The following NR3C2 variants were observed in gnomAD, a reference collection of about 807,000 sequenced individuals.
The protein encoded by NR3C2 is mineralocorticoid receptor.
A neutral mutation model predicts 86.4 loss-of-function variants in NR3C2; 15 were observed. The ratio of observed to expected loss-of-function variants is 0.17; its 90% CI spans 0.12 to 0.27. NR3C2 has a LOEUF of 0.27. NR3C2 is among the 10% of genes least tolerant of loss of function. NR3C2 has a pLI of 1.00. For missense variants in NR3C2, 960 were observed against 1,195.6 expected, an observed-to-expected ratio of 0.80 and a Z score of 2.91; for synonymous variants, 458 against 450.5, an observed-to-expected ratio of 1.02 and a Z score of -0.21.
At chr4:148,349,967 C>A (rs1032740452) in intron 2 of NR3C2, among the ~76,000 whole-genome samples, 1 of 152,064 alleles carries the variant, frequency 6.6e-6, no homozygotes, top group African/African-American at 2.4e-5. Flanking sequence ...AAACAAGTGT[C>A]CTGTTATGCA....
intron 2 of NR3C2, among the ~76,000 whole-genome samples, chr4:148,321,987 AT>A (rs1021009731): frequency 6.6e-6 from 1 of 152,074 alleles, no homozygotes; most frequent in African/African-American, 2.4e-5. Flanking sequence ...TGGTCTTTAC[AT>A]TTTGGCATGA....
intron 2 of NR3C2, among the ~76,000 whole-genome samples, chr4:148,347,683 C>T (rs1037139971): frequency 2.0e-5 from 3 of 152,120 alleles, no homozygotes; most frequent in African/African-American, 7.2e-5. Context: ...TACTGAGTAC[C>T]TACGCATGCC....
intron 2 of NR3C2, among the ~76,000 whole-genome samples, chr4:148,262,625 T>C (rs939050001): frequency 2.6e-5 from 4 of 152,180 alleles, no homozygotes; most frequent in Non-Finnish European, 4.4e-5. Context: ...TACCTTGTAA[T>C]GTGACATTAT....
intron 3 of NR3C2, among the ~76,000 whole-genome samples, chr4:148,237,505 TA>T (rs911102810): frequency 1.3e-5 from 2 of 152,166 alleles, no homozygotes; most frequent in Non-Finnish European, 2.9e-5. Context: ...ACTAAAAACT[TA>T]AAAACCACTG....
At chr4:148,356,315 T>A (rs976501898) in intron 2 of NR3C2, among the ~76,000 whole-genome samples, 3 of 152,222 alleles carry the variant, frequency 2.0e-5, no homozygotes, top group African/African-American at 7.2e-5. Flanking sequence ...ACAAATGATG[T>A]TGCTAGTTCC....
intron 8 of NR3C2, among the ~76,000 whole-genome samples, chr4:148,099,655 G>A (rs774967723): frequency 2.0e-5 from 3 of 152,188 alleles, no homozygotes; most frequent in Non-Finnish European, 4.4e-5. Flanking sequence ...TAGAAAGAAA[G>A]ACACTATGTA....
intron 2 of NR3C2, among the ~76,000 whole-genome samples, chr4:148,298,438 A>G (rs989286653): frequency 3.3e-5 from 5 of 152,198 alleles, no homozygotes; most frequent in Admixed American, 2.6e-4. Flanking sequence ...CTTGATCACT[A>G]TTTTTAGAAT....
At chr4:148,282,494 G>T (rs1741299220) in intron 2 of NR3C2, among the ~76,000 whole-genome samples, 1 of 152,196 alleles carries the variant, frequency 6.6e-6, no homozygotes, top group Non-Finnish European at 1.5e-5. Context: ...AAGAGTATGT[G>T]CATAAAAGTA....
intron 2 of NR3C2, among the ~76,000 whole-genome samples, chr4:148,430,925 C>A (rs944734543): frequency 6.6e-6 from 1 of 152,118 alleles, no homozygotes; most frequent in Non-Finnish European, 1.5e-5. Context: ...AAAATCAGCA[C>A]ATATTAAGAT....
intron 3 of NR3C2, among the ~76,000 whole-genome samples, chr4:148,210,347 C>T (rs1051965953): frequency 2.0e-5 from 3 of 152,092 alleles, no homozygotes; most frequent in Non-Finnish European, 4.4e-5. Flanking sequence ...CATGCCACCA[C>T]GCTGGGCTAA....
intron 6 of NR3C2, among the ~76,000 whole-genome samples, chr4:148,132,501 C>T (rs1347823895): frequency 3.3e-5 from 5 of 152,176 alleles, no homozygotes; most frequent in African/African-American, 9.7e-5. Flanking sequence ...TCCATGAATA[C>T]GCCTGGCACT....
At chr4:148,164,143 C>T (rs7661019) in intron 4 of NR3C2, among the ~76,000 whole-genome samples, 219 of 152,298 alleles carry the variant, frequency 1.4e-3, no homozygotes, top group African/African-American at 5.1e-3. Context: ...ACTCCCTGGG[C>T]AGCACAGTCA....
At chr4:148,259,166 C>T (rs1221745064) in intron 3 of NR3C2, among the ~76,000 whole-genome samples, 1 of 152,104 alleles carries the variant, frequency 6.6e-6, no homozygotes, top group Non-Finnish European at 1.5e-5. Flanking sequence ...AGAAATAAAC[C>T]TTAGGGAGTC....
intron 8 of NR3C2, among the ~76,000 whole-genome samples, chr4:148,087,394 T>G (rs1158441520): frequency 6.6e-6 from 1 of 152,148 alleles, no homozygotes; most frequent in Non-Finnish European, 1.5e-5. Context: ...AGAAAAAAAC[T>G]ACTTCAAATT....
chr4:148,220,915 C>G (rs1456118805), intron 3 of NR3C2, among the ~76,000 whole-genome samples: 1 of 152,240 alleles, frequency 6.6e-6, no homozygotes, highest in East Asian at 1.9e-4. Flanking sequence ...AGGTTTTTAA[C>G]ATCTGCTTCC....
chr4:148,219,166 G>A (rs1038931460), intron 3 of NR3C2, among the ~76,000 whole-genome samples: 1 of 152,118 alleles, frequency 6.6e-6, no homozygotes, highest in Non-Finnish European at 1.5e-5. Context: ...TAGTGTATGT[G>A]AAATTACATC....
intron 1 of NR3C2, among the ~76,000 whole-genome samples, chr4:148,438,121 G>C (rs1201859378): frequency 2.6e-5 from 4 of 152,196 alleles, no homozygotes; most frequent in Non-Finnish European, 5.9e-5. Context: ...TTGATCGCAA[G>C]TCTCTCTCTA....
At chr4:148,333,327 TATC>T (rs1344391845) in intron 2 of NR3C2, among the ~76,000 whole-genome samples, 1 of 152,164 alleles carries the variant, frequency 6.6e-6, no homozygotes, top group Non-Finnish European at 1.5e-5. Flanking sequence ...CTCATTTTTG[TATC>T]ATCAACTGAT....
intron 4 of NR3C2, among the ~76,000 whole-genome samples, chr4:148,182,270 C>CT (rs1374908391): frequency 6.6e-6 from 1 of 152,104 alleles, no homozygotes; most frequent in Non-Finnish European, 1.5e-5. Context: ...TTCACATTCT[C>CT]TTTTTTAAGT....
Sources: allele counts gnomAD v4.1 joint callset (sites outside exome capture counted in the v4.1 genomes callset), GRCh38; gene constraint gnomAD v4.1.1; transcripts MANE v1.5; gene names NCBI Gene and HGNC (gene_info 2026-07-23, HGNC 2026-07-21).